The following ZFHX2 variants were observed in gnomAD, a reference collection of about 807,000 sequenced individuals.
The protein encoded by ZFHX2 is zinc finger homeobox 2, also known as zinc finger homeobox protein 2.
In ZFHX2, 75 loss-of-function variants were observed where a neutral mutation model predicts 164.8. The ratio of observed to expected loss-of-function variants is 0.46; its 90% confidence interval spans 0.38 to 0.55. ZFHX2 has a LOEUF of 0.55. ZFHX2 is among the 20% of genes least tolerant of loss of function. The pLI is 0.00. For synonymous variants in ZFHX2, 1,217 were observed against 1,351.4 expected (o/e 0.90, Z 2.18); for missense variants, 2,933 against 3,308.0 (o/e 0.89, Z 2.78).
chr14:23,549,334 T>C (rs1182008410), intron 1 of ZFHX2, among the ~76,000 whole-genome samples: 1 of 152,092 alleles, frequency 6.6e-6, no homozygotes, highest in Non-Finnish European at 1.5e-5. Flanking sequence ...TTTCTTTAAT[T>C]CTGTTCACCT....
intron 1 of ZFHX2, chr14:23,538,206 T>C (rs1880402362): frequency 6.6e-6 from 1 of 152,162 alleles, no homozygotes; most frequent in African/African-American, 2.4e-5. Flanking sequence ...CGAGGGTAGG[T>C]TGGCAGCTAT....
chr14:23,527,896 C>G (rs1030159237), intron 6 of ZFHX2, 92 bp from the exon 7 acceptor site: 70 of 1,074,772 alleles, frequency 6.5e-5, no homozygotes, highest in Non-Finnish European at 5.3e-5. Context: ...GGCCCGCCCC[C>G]ACTCCTTTTT....
chr14:23,544,462 C>T (rs754244860), intron 1 of ZFHX2, among the ~76,000 whole-genome samples: 1 of 152,166 alleles, frequency 6.6e-6, no homozygotes, highest in Non-Finnish European at 1.5e-5. Context: ...TGTGGGGCAG[C>T]TGGTAACCTG....
Position 23,531,529 on chromosome 14 carries a change from C to A in ZFHX2, c.2752G>T (p.Ala918Ser). ...CTGAAGCTCAGGATGCTCTGAAGAG[C>A]TGCGAGTCCTTCCTCAGTGGTTGGG... ...NGPTTEEGLA[A>S]LQSILSFSHG... is the part of the protein sequence containing the mutation. Residue 918 changes from alanine to serine, a missense_variant, in exon 4 of 10, where the codon GCT becomes TCT. Transcript: ENST00000419474. 2 of 1,507,858 alleles carry A rather than the reference C, an allele frequency of 1.3e-6. No homozygotes were observed. The highest frequency in any genetic ancestry group is 1.8e-6 in the Non-Finnish European group (2 of 1,129,792). 93.4% of individuals were successfully genotyped at this position (1,507,858 alleles called of 1,614,324 possible). A position where few individuals can be genotyped will look rare whatever the true frequency, so the allele number is the denominator to read the frequency against.
Position 23,525,999 on chromosome 14 carries a change from C to G in ZFHX2, c.3943G>C (p.Gly1315Arg). 6.5e-7 allele frequency: 1 copy of G among 1,530,088 alleles called. No homozygotes were observed. The highest frequency in any genetic ancestry group is 1.2e-5 in the South Asian group (1 of 82,936). 94.8% of individuals were successfully genotyped at this position (1,530,088 alleles called of 1,614,324 possible). Residue 1315 changes from glycine to arginine, a missense_variant, in exon 9 of 10, where the codon GGC (glycine) becomes CGC (arginine). Coordinates refer to ENST00000419474, the MANE Select transcript of ZFHX2 (RefSeq NM_033400.3). The surrounding 1 kb of genome is among the most constrained non-coding windows in gnomAD (Gnocchi z 5.9). ...GTEKKGPDTS[G>R]FISGLPFLSP... is the part of the protein sequence containing the mutation. ...AGGAAAGGCAATCCAGATATGAAGC[C>G]ACTGGTGTCAGGGCCCTTCTTCTCA...
chr14:23,536,219 G>C (rs1880129430), intron 1 of ZFHX2, among the ~76,000 whole-genome samples: 1 of 152,152 alleles, frequency 6.6e-6, no homozygotes, highest in Non-Finnish European at 1.5e-5. Context: ...TCTCCATCCA[G>C]CAGCCAGAAT....
upstream of ZFHX2, among the ~76,000 whole-genome samples, chr14:23,554,827 T>G (rs1882229186): frequency 6.6e-6 from 1 of 152,084 alleles, no homozygotes; most frequent in Admixed American, 6.6e-5. Context: ...GTCCAGGAGT[T>G]AAGAGCCACG....
intron 4 of ZFHX2, 59 bp downstream of exon 4, chr14:23,531,422 T>G: frequency 7.4e-7 from 1 of 1,346,142 alleles, no homozygotes. Flanking sequence ...GCCCCCCTGC[T>G]CCCCACATCC....
At position 23,521,910 on chromosome 14, in the gene ZFHX2, G is replaced by T; in HGVS notation, c.*52C>A. 6.5e-7 allele frequency: 1 copy of T among 1,531,664 alleles called. No homozygotes were observed. 94.9% of individuals were successfully genotyped at this position (1,531,664 alleles called of 1,614,324 possible). ...GAGCTCCCACCGAACACCCCTTGGG[G>T]TAAAAGAGGGAGCCCTGAGGCCCTC... On this transcript the variant is annotated 3_prime_UTR_variant, in exon 10 of 10. Transcript: ENST00000419474.
intron 1 of ZFHX2, among the ~76,000 whole-genome samples, chr14:23,544,856 TCTC>T (rs1044836684): frequency 6.6e-6 from 1 of 152,138 alleles, no homozygotes; most frequent in Non-Finnish European, 1.5e-5. Context: ...CCATTCCACT[TCTC>T]CTTCTCCCAC....
chr14:23,533,909 G>C lies in ZFHX2; in HGVS notation c.1417C>G (p.Arg473Gly). ...KYQQTLDVHM[R>G]EKHPESNSHC... ...CTGTTGCTCTCAGGGTGCTTCTCTC[G>C]CATGTGCACATCCAGGGTCTGCTGG... Residue 473 changes from arginine to glycine, a missense_variant, in exon 2 of 10, where the codon CGA becomes GGA. By Grantham distance (125) the Arg-to-Gly change is moderately radical (BLOSUM62 -2). Transcript: ENST00000419474. This position sits in a 1 kb window ranked among gnomAD's most constrained non-coding sequence, Gnocchi z 4.8. 1 of 1,538,016 alleles carries C rather than the reference G, an allele frequency of 6.5e-7. No individual in the cohort carries two copies. The highest frequency in any genetic ancestry group is 8.7e-7 in the Non-Finnish European group (1 of 1,147,142).
chr14:23,538,322 C>T (rs1880414675), intron 1 of ZFHX2, among the ~76,000 whole-genome samples: 1 of 152,000 alleles, frequency 6.6e-6, no homozygotes, highest in Non-Finnish European at 1.5e-5. Context: ...CTCCCCCAAC[C>T]CCAACTCCCC....
intron 1 of ZFHX2, among the ~76,000 whole-genome samples, chr14:23,538,292 T>C (rs2138828300): frequency 6.6e-6 from 1 of 152,224 alleles, no homozygotes; most frequent in South Asian, 2.1e-4. Flanking sequence ...ATTGCAAATA[T>C]ATCTCTGCCT....
chr14:23,550,097 G>A (rs895634522), intron 1 of ZFHX2, among the ~76,000 whole-genome samples: 1 of 152,212 alleles, frequency 6.6e-6, no homozygotes, highest in Non-Finnish European at 1.5e-5. Context: ...TTTGTTGTGC[G>A]AAGCTCCTGG....
Position 23,526,397 on chromosome 14 carries a change from T to G in ZFHX2, c.3545A>C (p.Asp1182Ala). The change falls in exon 9 of 10, where the codon GAC becomes GCC. Residue 1182 changes from aspartate (D) to alanine (A), a missense_variant. Transcript: ENST00000419474. ...TYRKTTNFAL[D>A]KFLDPARPYK... ...GGGCCGGGCAGGGTCGAGAAACTTG[T>G]CCAGGGCAAAGTTGGTGGTTTTCCG... 6.5e-7 allele frequency: 1 copy of G among 1,536,300 alleles called. No individual in the cohort carries two copies. The highest frequency in any genetic ancestry group is 8.7e-7 in the Non-Finnish European group (1 of 1,146,848).
intron 1 of ZFHX2, among the ~76,000 whole-genome samples, chr14:23,537,117 G>A (rs544805207): frequency 6.6e-6 from 1 of 152,202 alleles, no homozygotes; most frequent in South Asian, 2.1e-4. Context: ...CTGCACCATC[G>A]TACTTCAGCC....
chr14:23,522,302 A>G lies in ZFHX2; in HGVS notation c.7379T>C (p.Phe2460Ser). 1 of 1,514,426 alleles carries G rather than the reference A, an allele frequency of 6.6e-7. No individual in the cohort carries two copies. Among genetic ancestry groups the G allele is most frequent in the Non-Finnish European group, 8.8e-7 (1 of 1,133,228 alleles). The allele number at this position is 1,514,426 out of a possible 1,614,324, so 93.8% of individuals were successfully genotyped here. The part of the protein sequence containing the change: ...RYLCRQCKMA[F>S]DGEAPATAHQ... Reference sequence around the variant, plus strand: ...GGCAGTAGCCGGGGCCTCCCCGTCAAATGCCATCTTGCACTGGCGGCACAG... The same window carrying G: ...GGCAGTAGCCGGGGCCTCCCCGTCAGATGCCATCTTGCACTGGCGGCACAG... The change falls in exon 10 of 10, where the codon TTT (phenylalanine) becomes TCT (serine). Residue 2460 changes from phenylalanine (F) to serine (S), a missense_variant. Phe to Ser is a radical substitution (Grantham distance 155). Coordinates refer to ENST00000419474, the MANE Select transcript of ZFHX2 (RefSeq NM_033400.3).
intron 1 of ZFHX2, among the ~76,000 whole-genome samples, chr14:23,540,427 T>G (rs1880675298): frequency 6.6e-6 from 1 of 152,212 alleles, no homozygotes; most frequent in Admixed American, 6.5e-5. Flanking sequence ...ATACTCACTG[T>G]CCTCGCCTTC....
In ZFHX2 at chr14:23,525,058, G is replaced by A. The variant is rs1328383566; in HGVS notation, c.4884C>T (p.Leu1628=). The change falls in exon 9 of 10, where the codon CTC becomes CTT. Residue 1628 remains leucine (L), a synonymous_variant. Coordinates refer to ENST00000419474, the MANE Select transcript of ZFHX2 (RefSeq NM_033400.3). The surrounding 1 kb of genome is among the most constrained non-coding windows in gnomAD (Gnocchi z 5.9). ...GGCTAGCCAGACCCAACAGACTTGC[G>A]AGTCGCTCCACCTCTCCGTCTTTGG... The part of the protein sequence containing the change: ...AYPKDGEVER[L]ASLLGLASRV... 7.2e-6 allele frequency: 11 copies of A among 1,536,142 alleles called. No homozygotes were observed. The highest frequency in any genetic ancestry group is 1.7e-4 in the Middle Eastern group (1 of 5,990).
Sources: allele counts gnomAD v4.1 joint callset (sites outside exome capture counted in the v4.1 genomes callset), GRCh38; gene constraint gnomAD v4.1.1; non-coding constraint Gnocchi (gnomAD v3.1); transcripts MANE v1.5; gene names NCBI Gene and HGNC (gene_info 2026-07-23, HGNC 2026-07-21).